The following BTAF1 variants were observed in gnomAD, a reference collection of about 807,000 sequenced individuals.
BTAF1 encodes B-TFIID TATA-box binding protein associated factor 1.
BTAF1 carries 38 observed loss-of-function variants against 227.1 expected under a neutral mutation model. The observed-to-expected ratio is 0.17, with a 90% CI of 0.13 to 0.22. BTAF1 has a LOEUF of 0.22. BTAF1 is among the 10% of genes least tolerant of loss of function. BTAF1 has a pLI of 1.00. For missense variants in BTAF1, 1,598 were observed against 2,204.0 expected (o/e 0.73, Z 5.51); for synonymous variants, 742 against 751.9 (o/e 0.99, Z 0.21).
rs529002716 is a variant in BTAF1 at position 92,027,985 on chromosome 10, A to C, written c.5406+685A>C. On this transcript the variant is annotated intron_variant, in intron 37 of 37. Transcript: ENST00000265990. ...TAAGAGAAAATCGTTCTGCCATACT[A>C]TGTGTATGTTAAACCACATTTGAAA... Among the ~76,000 whole-genome samples the C allele has an allele frequency of 7.2e-5, 11 of 152,326 alleles. No individual in the cohort carries two copies. The South Asian group carries it at 2.3e-3, about 32-fold the overall frequency.
In BTAF1 at chr10:91,982,791, CAAATT is replaced by C. The variant is rs766334824; in HGVS notation, c.2223+33_2223+37del. ...GATTTTGCCCCAAAAGTAATAAAGACAAATTAAGTAAACCAATTTCCATTAGCTGT... is the reference window on the plus strand; with the variant it reads ...GATTTTGCCCCAAAAGTAATAAAGACAAGTAAACCAATTTCCATTAGCTGT... On this transcript the variant is annotated intron_variant, in intron 18 of 37. Coordinates refer to ENST00000265990, the MANE Select transcript of BTAF1 (RefSeq NM_003972.3). 188 of 1,550,856 alleles carry C rather than the reference CAAATT, an allele frequency of 1.2e-4. No homozygotes were observed. The Admixed American group carries it at 3.3e-3, about 27-fold the overall frequency.
intron 37 of BTAF1, 107 bp downstream of exon 37, chr10:92,027,407 G>T: frequency 9.7e-7 from 1 of 1,033,832 alleles, no homozygotes; most frequent in South Asian, 1.8e-5. Context: ...TAGTATCCAT[G>T]AGATCACCAC....
chr10:91,939,121 A>G (rs1377442870), intron 2 of BTAF1, among the ~76,000 whole-genome samples: 4 of 152,180 alleles, frequency 2.6e-5, no homozygotes, highest in African/African-American at 7.2e-5. Context: ...TTCTTCAACA[A>G]TATTTTTAGT....
chr10:92,002,164 T>C (rs1849594874), intron 25 of BTAF1, among the ~76,000 whole-genome samples: 1 of 152,024 alleles, frequency 6.6e-6, no homozygotes, highest in South Asian at 2.1e-4. Flanking sequence ...GGTTAGACAC[T>C]GTGGAAGAAA....
chr10:91,981,405 T>A (rs1848049664), intron 15 of BTAF1, among the ~76,000 whole-genome samples: 3 of 152,276 alleles, frequency 2.0e-5, no homozygotes, highest in East Asian at 1.9e-4. Context: ...CATGTTTTTT[T>A]AAAAAGAGAA....
chr10:91,973,243 G>A (rs1847433871), intron 14 of BTAF1, among the ~76,000 whole-genome samples: 1 of 152,160 alleles, frequency 6.6e-6, no homozygotes, highest in African/African-American at 2.4e-5. Context: ...CAGGATCTGA[G>A]TTCTAACTTT....
rs1053718039 is a variant in BTAF1 at position 92,029,231 on chromosome 10, G to GCCT, written c.*302_*304dup. ...CAGGAGGTGTTCTTAATGGGAACAG[G>GCCT]CCTCCTATCTTTAGTCACTTTGTAC... On this transcript the variant is annotated 3_prime_UTR_variant, in exon 38 of 38. Coordinates refer to ENST00000265990, the MANE Select transcript of BTAF1 (RefSeq NM_003972.3). 1.4e-5 allele frequency: 3 copies of GCCT among 210,192 alleles called. No homozygotes were observed. Among genetic ancestry groups the GCCT allele is most frequent in the African/African-American group, 6.9e-5 (3 of 43,382 alleles). 13.0% of individuals were successfully genotyped at this position (210,192 alleles called of 1,614,324 possible). A position where few individuals can be genotyped will look rare whatever the true frequency, so the allele number is the denominator to read the frequency against.
chr10:91,997,342 A>C (rs1241854620), intron 24 of BTAF1, among the ~76,000 whole-genome samples: 1 of 152,200 alleles, frequency 6.6e-6, no homozygotes, highest in Admixed American at 6.5e-5. Context: ...CTTATTGGTA[A>C]AGCTTTCTCC....
intron 25 of BTAF1, among the ~76,000 whole-genome samples, chr10:92,002,457 C>T (rs1288543109): frequency 2.0e-5 from 3 of 152,126 alleles, no homozygotes; most frequent in Non-Finnish European, 4.4e-5. Flanking sequence ...ATTCGTAACA[C>T]TTGGGTTTAG....
At chr10:91,928,372 C>T (rs1380724559) in intron 1 of BTAF1, among the ~76,000 whole-genome samples, 2 of 152,124 alleles carry the variant, frequency 1.3e-5, no homozygotes, top group African/African-American at 2.4e-5. Flanking sequence ...TTGAAGTTCT[C>T]TGTCAAATCC....
Position 91,964,273 on chromosome 10 carries a change from T to C in BTAF1, c.1529+72T>C, listed in dbSNP as rs1846723313. The C allele has an allele frequency of 6.7e-6, 10 of 1,495,460 alleles. No individual in the cohort carries two copies. The South Asian group carries it at 1.1e-4, about 16-fold the overall frequency. 92.6% of individuals were successfully genotyped at this position (1,495,460 alleles called of 1,614,324 possible). A position where few individuals can be genotyped will look rare whatever the true frequency, so the allele number is the denominator to read the frequency against. ...CTTTCGAGATAATTCAGCCTAAACA[T>C]AACAATATTTTAGCACCTTTAAGAA... On this transcript the variant is annotated intron_variant, in intron 13 of 37. Coordinates refer to ENST00000265990, the MANE Select transcript of BTAF1 (RefSeq NM_003972.3).
chr10:91,967,319 T>TTAGG (rs1846983679), intron 14 of BTAF1, among the ~76,000 whole-genome samples: 1 of 152,208 alleles, frequency 6.6e-6, no homozygotes, highest in Non-Finnish European at 1.5e-5. Context: ...TGTGGTAAGC[T>TTAGG]TAGGAGTCCT....
At chr10:91,965,259 T>A (rs1283506292) in intron 13 of BTAF1, among the ~76,000 whole-genome samples, 1 of 152,190 alleles carries the variant, frequency 6.6e-6, no homozygotes, top group Non-Finnish European at 1.5e-5. Flanking sequence ...AAAGCCCTCT[T>A]TAAGCTGCAA....
At chr10:91,972,231 G>T (rs1234844343) in intron 14 of BTAF1, among the ~76,000 whole-genome samples, 1 of 152,088 alleles carries the variant, frequency 6.6e-6, no homozygotes, top group Non-Finnish European at 1.5e-5. Context: ...CTTGGCTCTT[G>T]TCAACATTTT....
At chr10:92,028,457 A>G (rs567665806) in intron 37 of BTAF1, among the ~76,000 whole-genome samples, 1 of 152,338 alleles carries the variant, frequency 6.6e-6, no homozygotes, top group African/African-American at 2.4e-5. Context: ...CATGATGTCT[A>G]CAACTTTCTT....
chr10:92,029,145 T>A lies in BTAF1; in HGVS notation c.*212T>A. 4.5e-6 allele frequency: 2 copies of A among 441,528 alleles called. No homozygotes were observed. Among genetic ancestry groups the A allele is most frequent in the Non-Finnish European group, 7.6e-6 (2 of 264,014 alleles). The allele number at this position is 441,528 out of a possible 1,614,324, so 27.4% of individuals were successfully genotyped here. ...ATTTAAATGTTAATGTGAAATGGTT[T>A]AAATTTTACATGCTGAAAAGCTGCA... On this transcript the variant is annotated 3_prime_UTR_variant, in exon 38 of 38. Coordinates refer to ENST00000265990, the MANE Select transcript of BTAF1 (RefSeq NM_003972.3).
At chr10:91,960,434 G>C (rs1212585370) in intron 11 of BTAF1, among the ~76,000 whole-genome samples, 1 of 152,058 alleles carries the variant, frequency 6.6e-6, no homozygotes, top group Non-Finnish European at 1.5e-5. Context: ...TTCATGATTT[G>C]GTTTTACTGT....
chr10:91,933,054 C>T (rs922986925), intron 1 of BTAF1, among the ~76,000 whole-genome samples: 1 of 152,176 alleles, frequency 6.6e-6, no homozygotes, highest in African/African-American at 2.4e-5. Context: ...AGTGACCATT[C>T]TGGGGATCTG....
intron 6 of BTAF1, 81 bp downstream of exon 6, chr10:91,953,954 A>G (rs932586115): frequency 2.0e-6 from 3 of 1,536,784 alleles, no homozygotes; most frequent in African/African-American, 2.8e-5. Flanking sequence ...TTATAGAAAC[A>G]TTCTGCTGAC....
Sources: allele counts gnomAD v4.1 joint callset (sites outside exome capture counted in the v4.1 genomes callset), GRCh38; gene constraint gnomAD v4.1.1; transcripts MANE v1.5; gene names NCBI Gene and HGNC (gene_info 2026-07-23, HGNC 2026-07-21).